Variants in ITGA11 observed in about 807,000 individuals in gnomAD.
ITGA11 encodes integrin subunit alpha 11.
In ITGA11, 97 loss-of-function variants were observed where a neutral mutation model predicts 141.9. The ratio of observed to expected loss-of-function variants is 0.68; its 90% CI spans 0.58 to 0.81. ITGA11 has a LOEUF of 0.81. Ranked by LOEUF, ITGA11 falls within the 30% of genes least tolerant of loss-of-function variation. The pLI, the probability that ITGA11 is intolerant of heterozygous loss-of-function variation, is 0.00. For missense variants in ITGA11, 1,387 were observed against 1,559.2 expected (o/e 0.89, Z 1.86); for synonymous variants, 658 against 624.6 (o/e 1.05, Z -0.80).
chr15:68,402,341 A>T (rs916778749), intron 2 of ITGA11, among the ~76,000 whole-genome samples: 38 of 151,804 alleles, frequency 2.5e-4, no homozygotes, highest in African/African-American at 9.2e-4. Context: ...TGGTACATTT[A>T]AAAAAAAATC....
At chr15:68,327,152 G>A (rs780033163) in intron 16 of ITGA11, among the ~76,000 whole-genome samples, 1 of 152,096 alleles carries the variant, frequency 6.6e-6, no homozygotes, top group African/African-American at 2.4e-5. Flanking sequence ...CACCTTCCCT[G>A]TCTTTCCCTG....
Position 68,308,852 on chromosome 15 carries a change from A to T in ITGA11, c.3175-1156T>A, listed in dbSNP as rs1893286795. On this transcript the variant is annotated intron_variant, in intron 26 of 29. Transcript: ENST00000315757. This position sits in a 1 kb window ranked among gnomAD's most constrained non-coding sequence, Gnocchi z 5.2. ...ATTCATATCAATTTGTGAGGAAAAA[A>T]AAAATCTTGTTCAGGCCCTCACTGA... Among the ~76,000 whole-genome samples, 1 of 152,272 alleles carries T rather than the reference A, an allele frequency of 6.6e-6. No individual in the cohort carries two copies. The highest frequency in any genetic ancestry group is 1.5e-5 in the Non-Finnish European group (1 of 68,050).
chr15:68,315,767 C>A, intron 21 of ITGA11, 40 bp from the exon 22 acceptor site: 11 of 1,507,324 alleles, frequency 7.3e-6, no homozygotes, highest in Non-Finnish European at 9.0e-6. Context: ...TTGCTGGGAC[C>A]AGCCCCGCCC....
At chr15:68,391,012 A>G (rs1896106882) in intron 2 of ITGA11, among the ~76,000 whole-genome samples, 1 of 152,222 alleles carries the variant, frequency 6.6e-6, no homozygotes, top group Non-Finnish European at 1.5e-5. Flanking sequence ...CCTTTCTAGG[A>G]TCAACACCCA....
rs1277212130 is a variant in ITGA11 at position 68,325,007 on chromosome 15, T to G, written c.2322+124A>C. 5.9e-6 allele frequency: 4 copies of G among 677,284 alleles called. No individual in the cohort carries two copies. Among genetic ancestry groups the G allele is most frequent in the African/African-American group, 2.1e-5 (1 of 48,052 alleles). The allele number at this position is 677,284 out of a possible 1,614,324, so 42.0% of individuals were successfully genotyped here. ...ACTGTGGGTTTGCCAGGACAGGAGGTGGGAAGGTGAGATGAGGGATGGTGT... is the reference window on the plus strand; with the variant it reads ...ACTGTGGGTTTGCCAGGACAGGAGGGGGGAAGGTGAGATGAGGGATGGTGT... On this transcript the variant is annotated intron_variant, in intron 18 of 29. Transcript: ENST00000315757. This position sits in a 1 kb window ranked among gnomAD's most constrained non-coding sequence, Gnocchi z 5.5.
intron 9 of ITGA11, among the ~76,000 whole-genome samples, chr15:68,349,862 C>A (rs1209390358): frequency 6.6e-6 from 1 of 152,190 alleles, no homozygotes; most frequent in African/African-American, 2.4e-5. Flanking sequence ...TTTCAGAATA[C>A]GGAGTCAGAC....
intron 4 of ITGA11, 78 bp downstream of exon 4, chr15:68,364,627 GGT>G: frequency 1.1e-6 from 1 of 911,458 alleles, no homozygotes; most frequent in Non-Finnish European, 1.8e-6. Context: ...TGGACATGAG[GGT>G]GTGTAAGGAG....
chr15:68,313,010 T>C (rs1893446014), intron 23 of ITGA11, 147 bp from the exon 24 acceptor site: 1 of 615,678 alleles, frequency 1.6e-6, no homozygotes, highest in Admixed American at 2.5e-5. Flanking sequence ...GTGAGTGTCA[T>C]GTTGGAAGGA....
chr15:68,400,589 ATATAT>A (rs1351150198), intron 2 of ITGA11, among the ~76,000 whole-genome samples: 226 of 105,626 alleles, frequency 2.1e-3, no homozygotes, highest in African/African-American at 7.7e-3. Flanking sequence ...TATATATTTT[ATATAT>A]TATATATTAT....
At chr15:68,369,151 C>T in intron 3 of ITGA11, 33 bp downstream of exon 3, 1 of 1,481,998 alleles carries the variant, frequency 6.7e-7, no homozygotes, top group Middle Eastern at 1.7e-4. Flanking sequence ...CAACCGCTGG[C>T]CTCATTGTGA....
At chr15:68,430,503 G>C (rs1430877104) in intron 1 of ITGA11, among the ~76,000 whole-genome samples, 1 of 152,194 alleles carries the variant, frequency 6.6e-6, no homozygotes, top group Non-Finnish European at 1.5e-5. Flanking sequence ...CTGAGGTCCA[G>C]GCTGTCCCTA....
intron 1 of ITGA11, among the ~76,000 whole-genome samples, chr15:68,405,537 G>A (rs1234865262): frequency 1.3e-5 from 2 of 152,256 alleles, no homozygotes; most frequent in East Asian, 1.9e-4. Context: ...ATATGAACCC[G>A]TTAGTGCTTT....
intron 2 of ITGA11, among the ~76,000 whole-genome samples, chr15:68,396,943 T>TATTTATTATATA (rs1171330526): frequency 9.6e-4 from 17 of 17,726 alleles, no homozygotes; most frequent in Admixed American, 1.2e-3. Context: ...TATAATATAT[T>TATTTATTATATA]ATATATTATT....
At chr15:68,309,752 G>A (rs8032290) in intron 26 of ITGA11, among the ~76,000 whole-genome samples, 1,544 of 151,922 alleles carry the variant, frequency 0.01, 27 homozygotes, top group African/African-American at 0.036. Context: ...CACCACACCC[G>A]GCTGATTTTT....
At chr15:68,356,713 G>A (rs1282512257) in intron 7 of ITGA11, among the ~76,000 whole-genome samples, 1 of 152,224 alleles carries the variant, frequency 6.6e-6, no homozygotes, top group Non-Finnish European at 1.5e-5. Flanking sequence ...GAATGTGGCA[G>A]AAGTCATATT....
chr15:68,346,568 A>T (rs966418614), intron 10 of ITGA11, among the ~76,000 whole-genome samples: 1 of 152,234 alleles, frequency 6.6e-6, no homozygotes, highest in Non-Finnish European at 1.5e-5. Flanking sequence ...AGATACTCAA[A>T]AAATGGCTGT....
At chr15:68,315,767 C>G in intron 21 of ITGA11, 40 bp from the exon 22 acceptor site, 1 of 1,507,326 alleles carries the variant, frequency 6.6e-7, no homozygotes, top group Non-Finnish European at 9.0e-7. Context: ...TTGCTGGGAC[C>G]AGCCCCGCCC....
rs1447518194 is a variant in ITGA11, at chr15:68,321,708, C to T, written c.2323-205G>A. On this transcript the variant is annotated intron_variant, in intron 18 of 29. Transcript: ENST00000315757. This position sits in a 1 kb window ranked among gnomAD's most constrained non-coding sequence, Gnocchi z 4.9. ...CTCAAAGCTCAGCTCCTCCTGGCTC[C>T]CCTCCAGTTCATAACTGAGCTGATG... 6.6e-6 allele frequency among the ~76,000 whole-genome samples: 1 copy of T among 152,152 alleles called. No homozygotes were observed. The highest frequency in any genetic ancestry group is 1.5e-5 in the Non-Finnish European group (1 of 68,036).
At chr15:68,431,143 G>A (rs564807232) in intron 1 of ITGA11, among the ~76,000 whole-genome samples, 1 of 152,248 alleles carries the variant, frequency 6.6e-6, no homozygotes, top group African/African-American at 2.4e-5. Context: ...CGGGGAGCCC[G>A]GTGTGGGACG....
Sources: gnomAD v4.1 joint callset for allele counts (sites outside exome capture counted in the v4.1 genomes callset) on GRCh38, gnomAD v4.1.1 for gene constraint, Gnocchi (gnomAD v3.1) non-coding constraint, MANE v1.5 for transcripts, NCBI Gene and HGNC (gene_info 2026-07-23, HGNC 2026-07-21) for gene names.